ITFG2: variants seen among roughly 807,000 people sequenced by gnomAD.
ITFG2 encodes integrin alpha FG-GAP repeat containing 2.
In ITFG2, 36 loss-of-function variants were observed where a neutral mutation model predicts 54.4. The ratio of observed to expected loss-of-function variants is 0.66; its 90% CI spans 0.51 to 0.87. The LOEUF is 0.87. ITFG2 is among the 40% of genes least tolerant of loss of function. ITFG2 has a pLI of 0.00. For synonymous variants in ITFG2, 211 were observed against 225.4 expected, an observed-to-expected ratio of 0.94 and a Z score of 0.57; for missense variants, 524 against 576.7, an observed-to-expected ratio of 0.91 and a Z score of 0.94.
intron 2 of ITFG2, chr12:2,857,286 C>T (rs2098090452): frequency 1.9e-6 from 1 of 527,348 alleles, no homozygotes; most frequent in Admixed American, 3.2e-5. Flanking sequence ...AAAAGCAGGG[C>T]AGGCTGGCTC....
chr12:2,859,653 G>C, exon 4 of ITFG2: 1 of 1,605,008 alleles, frequency 6.2e-7, no homozygotes, highest in South Asian at 1.1e-5. Flanking sequence ...CCCCTCCTCA[G>C]CTAGCAGCAC....
At chr12:2,837,452 T>C (rs1279365219) in intron 1 of ITFG2, among the ~76,000 whole-genome samples, 1 of 150,986 alleles carries the variant, frequency 6.6e-6, no homozygotes, top group African/African-American at 2.4e-5. Flanking sequence ...CACTCCAGCC[T>C]AGGCGACAGA....
rs2098079796 is a variant in ITFG2, at chr12:2,854,091, T to C, written n.301-3921T>C. Among the ~76,000 whole-genome samples, 3 of 152,348 alleles carry C rather than the reference T, an allele frequency of 2.0e-5. No homozygotes were observed. In the South Asian group the frequency reaches 6.2e-4, roughly 32 times the overall value. On this transcript the variant is annotated intron_variant and non_coding_transcript_variant, in intron 2 of 3. Transcript: ENST00000537710. ...CCCCGGCTGGAGTGCAATGGCACCA[T>C]CTTGGCTCACTGCAACCTCCGCCTC... is the stretch of plus-strand genomic sequence containing the variant.
chr12:2,820,962 G>T (rs2097942134), intron 6 of ITFG2, 90 bp downstream of exon 6: 1 of 1,386,378 alleles, frequency 7.2e-7, no homozygotes, highest in Non-Finnish European at 1.0e-6. Flanking sequence ...TGGGTCTGCA[G>T]TTGGCAGAGC....
downstream of ITFG2, chr12:2,827,182 C>A (rs1230176737): frequency 6.2e-7 from 1 of 1,613,954 alleles, no homozygotes. The surrounding 1 kb of genome is among the most constrained non-coding windows in gnomAD (Gnocchi z 4.0). Context: ...AGGTCTTTCC[C>A]TCTGGGGACT....
chr12:2,821,962 C>G (rs113565472), intron 9 of ITFG2, among the ~76,000 whole-genome samples, 170 bp downstream of exon 9: 2 of 151,276 alleles, frequency 1.3e-5, no homozygotes, highest in African/African-American at 4.9e-5. Context: ...GGGTCTCCCC[C>G]CTACCACCTA....
In ITFG2 at chr12:2,820,693, C is replaced by T. The variant is rs199914287; in HGVS notation, c.547-31C>T. 321 of 1,454,410 alleles carry T rather than the reference C, an allele frequency of 2.2e-4. No homozygotes were observed. In the African/African-American group the frequency reaches 3.3e-3, roughly 15 times the overall value. 90.1% of individuals were successfully genotyped at this position (1,454,410 alleles called of 1,614,324 possible). On this transcript the variant is annotated intron_variant, in intron 5 of 11. Transcript: ENST00000228799. The stretch of plus-strand genomic sequence containing the variant: ...GCAGGGACCCACTTCCTTCTCTCTC[C>T]GTCTCCCTTTAATCCCATTCCCTGG...
At position 2,817,721 on chromosome 12, in the gene ITFG2, GC is replaced by G. The variant is rs143619884; in HGVS notation, c.193-187del. ...CTTAACCGCCTCAGGTCTTCATGTT[GC>G]TGTCTGGGTAAACCAAACCTACAGC... is the stretch of plus-strand genomic sequence containing the variant. On this transcript the variant is annotated intron_variant, in intron 2 of 11. Transcript: ENST00000228799. The G allele has an allele frequency of 3.1e-4, 172 of 549,378 alleles. 1 individual carries two copies. The highest frequency in any genetic ancestry group is 5.0e-4 in the Non-Finnish European group (157 of 314,444). The allele number at this position is 549,378 out of a possible 1,614,324, so 34.0% of individuals were successfully genotyped here.
At chr12:2,830,866 T>A in exon 3 of ITFG2, 1 of 1,611,174 alleles carries the variant, frequency 6.2e-7, no homozygotes, top group Non-Finnish European at 8.5e-7. Flanking sequence ...GGCTGCTGGC[T>A]CCATCACAAA....
downstream of ITFG2, chr12:2,827,003 A>C (rs2153925561): frequency 1.4e-6 from 2 of 1,390,150 alleles, no homozygotes; most frequent in East Asian, 5.7e-5. The surrounding 1 kb of genome is among the most constrained non-coding windows in gnomAD (Gnocchi z 4.0). Context: ...CTCTAGTGAA[A>C]ACTCGTCCTG....
At chr12:2,823,362 C>G (rs962959267) in intron 10 of ITFG2, among the ~76,000 whole-genome samples, 2 of 152,182 alleles carry the variant, frequency 1.3e-5, no homozygotes, top group Admixed American at 6.5e-5. Context: ...GGAGGCAGCA[C>G]TCACTCTCTG....
At chr12:2,847,397 G>A (rs1391697280) in intron 2 of ITFG2, among the ~76,000 whole-genome samples, 4 of 152,076 alleles carry the variant, frequency 2.6e-5, no homozygotes, top group East Asian at 1.9e-4. Context: ...GGTGGCTCAC[G>A]CCTGTAATCC....
At chr12:2,812,951 G>A (rs2097912684) in intron 1 of ITFG2, 95 bp downstream of exon 1, 1 of 1,025,614 alleles carries the variant, frequency 9.8e-7, no homozygotes, top group Non-Finnish European at 1.5e-6. Context: ...ACGTGAGCGT[G>A]AGCATGCGCG....
chr12:2,830,832 A>G (rs1048954499), intron 2 of ITFG2: 3 of 1,613,722 alleles, frequency 1.9e-6, no homozygotes, highest in Non-Finnish European at 1.7e-6. Flanking sequence ...TCCCTCCACC[A>G]GGCGTCTTTG....
upstream of ITFG2, among the ~76,000 whole-genome samples, chr12:2,832,150 C>A (rs1159719231): frequency 6.6e-6 from 1 of 152,300 alleles, no homozygotes; most frequent in South Asian, 2.1e-4. Flanking sequence ...TTCATTGTGA[C>A]AAGATCCCCA....
At chr12:2,828,289 A>C, downstream of ITFG2, 2 of 1,550,046 alleles carry the variant, frequency 1.3e-6, no homozygotes, top group Non-Finnish European at 1.8e-6. Context: ...CACCCCAAAA[A>C]GAAACCCTGT....
chr12:2,853,569 G>A (rs764800208), intron 2 of ITFG2, among the ~76,000 whole-genome samples: 6 of 151,782 alleles, frequency 4.0e-5, no homozygotes, highest in South Asian at 2.1e-4. Flanking sequence ...CACCAGGCCC[G>A]GCCTGTTTTT....
chr12:2,846,326 T>G (rs1014791720), intron 2 of ITFG2, among the ~76,000 whole-genome samples: 2 of 152,142 alleles, frequency 1.3e-5, no homozygotes, highest in African/African-American at 4.8e-5. Flanking sequence ...GTAGGCAGCT[T>G]GTTTTCAAGA....
chr12:2,855,262 T>C, intron 2 of ITFG2: 5 of 1,513,402 alleles, frequency 3.3e-6, no homozygotes, highest in Non-Finnish European at 4.4e-6. Context: ...GGCGCCACCC[T>C]TCCAAGGGTG....
Sources: gnomAD v4.1 joint callset for allele counts (sites outside exome capture counted in the v4.1 genomes callset) on GRCh38, gnomAD v4.1.1 for gene constraint, Gnocchi (gnomAD v3.1) non-coding constraint, MANE v1.5 for transcripts, NCBI Gene and HGNC (gene_info 2026-07-23, HGNC 2026-07-21) for gene names.